The following FBN1 variants were observed in gnomAD, a reference collection of about 807,000 sequenced individuals.
The protein encoded by FBN1 is fibrillin 1, also known as fibrillin-1.
Under a neutral mutation model 365.1 loss-of-function variants are expected in FBN1, and 29 were observed. The observed-to-expected ratio is 0.08, with a 90% CI of 0.06 to 0.11. FBN1 has a LOEUF of 0.11. FBN1 is among the 10% of genes least tolerant of loss of function. FBN1 has a pLI of 1.00. For synonymous variants in FBN1, 1,210 were observed against 1,270.5 expected (o/e 0.95, Z 1.01); for missense variants, 2,476 against 3,703.2 (o/e 0.67, Z 8.60).
chr15:48,451,936 C>G lies in FBN1; in HGVS notation c.5545+626G>C, dbSNP rs544866808. On this transcript the variant is annotated intron_variant, in intron 45 of 65. Coordinates refer to ENST00000316623, the MANE Select transcript of FBN1 (RefSeq NM_000138.5). ...AACGTGCTTCCTATTTCTATCACAT[C>G]CCTGACAAAAGTGAACACCAAAAAA... Among the ~76,000 whole-genome samples the G allele has an allele frequency of 2.6e-5, 4 of 152,290 alleles. No homozygotes were observed. In the South Asian group the frequency reaches 8.3e-4, roughly 32 times the overall value.
Position 48,428,392 on chromosome 15 carries a change from C to T in FBN1, c.6951G>A (p.Glu2317=), listed in dbSNP as rs1555394627. Residue 2317 remains glutamate, a synonymous_variant, in exon 57 of 66, where the codon GAG becomes GAA. Coordinates refer to ENST00000316623, the MANE Select transcript of FBN1 (RefSeq NM_000138.5). ...GGCTGGCGGTAAACCCATCATTACA[C>T]TCACAGGTGTAGCTCCCACGGGTGT... ...CLNTRGSYTC[E]CNDGFTASPN... The T allele has an allele frequency of 1.9e-6, 3 of 1,614,052 alleles. No individual in the cohort carries two copies. The highest frequency in any genetic ancestry group is 1.1e-5 in the South Asian group (1 of 91,080).
chr15:48,598,903 C>A (rs1292924918), intron 5 of FBN1, among the ~76,000 whole-genome samples: 1 of 152,164 alleles, frequency 6.6e-6, no homozygotes, highest in Non-Finnish European at 1.5e-5. Context: ...GTCTCTTTCC[C>A]ATGCTGTTCC....
chr15:48,472,554 C>T lies in FBN1; in HGVS notation c.4333G>A (p.Glu1445Lys). The T allele has an allele frequency of 6.2e-7, 1 of 1,612,978 alleles. No individual in the cohort carries two copies. The highest frequency in any genetic ancestry group is 8.5e-7 in the Non-Finnish European group (1 of 1,179,330). ...FVPSADGKACEDIDECSLPNI... is the reference protein window; with the variant it reads ...FVPSADGKACKDIDECSLPNI... ...CAGTGGCTTCCCCATCAGTTACCTT[C>T]ACAGGCTTTCCCGTCAGCACTGGGC... is the stretch of plus-strand genomic sequence containing the variant. The change falls in exon 35 of 66, where the codon GAA (glutamate) becomes AAA (lysine). Residue 1445 changes from glutamate to lysine, a missense_variant. Glu to Lys is a moderately conservative substitution (Grantham distance 56). Around this residue, in one of 5 missense-constraint regions of FBN1, gnomAD observed 1,780 missense variants for 2,840.8 expected, o/e 0.63. Transcript: ENST00000316623.
At chr15:48,574,255 C>G (rs2044328103) in intron 6 of FBN1, among the ~76,000 whole-genome samples, 1 of 152,150 alleles carries the variant, frequency 6.6e-6, no homozygotes. Flanking sequence ...CCTGGAAGTA[C>G]AAACAATGTT....
At chr15:48,604,482 C>T (rs1391361566) in intron 4 of FBN1, among the ~76,000 whole-genome samples, 1 of 152,140 alleles carries the variant, frequency 6.6e-6, no homozygotes, top group African/African-American at 2.4e-5. Flanking sequence ...CTTAAGTGAA[C>T]AGATGTCTGG....
intron 2 of FBN1, among the ~76,000 whole-genome samples, chr15:48,640,596 T>C (rs1468570030): frequency 1.3e-5 from 2 of 152,184 alleles, no homozygotes; most frequent in African/African-American, 4.8e-5. Flanking sequence ...AACTGTTCCA[T>C]GTGTATTTTT....
At position 48,420,742 on chromosome 15, in the gene FBN1, G is replaced by A. The variant is rs927103213; in HGVS notation, c.7764C>T (p.Tyr2588=). Residue 2588 remains tyrosine, a synonymous_variant, in exon 63 of 66, where the codon TAC becomes TAT. Transcript: ENST00000316623. ...QHGCQNIIGG[Y]RCSCPQGYLQ... Reference sequence around the variant, plus strand: ...GGTAGCCCTGGGGGCAGCTGCACCTGTAGCCCCCAATGATGTTCTGGCAGC... The same window carrying A: ...GGTAGCCCTGGGGGCAGCTGCACCTATAGCCCCCAATGATGTTCTGGCAGC... 3 of 1,614,012 alleles carry A rather than the reference G, an allele frequency of 1.9e-6. No homozygotes were observed. The African/African-American group carries it at 4.0e-5, about 22-fold the overall frequency.
chr15:48,643,847 G>C (rs1457127647), intron 2 of FBN1: 1 of 152,162 alleles, frequency 6.6e-6, no homozygotes, highest in Non-Finnish European at 1.5e-5. Flanking sequence ...ACAGGAAAAT[G>C]ACAACCCTTA....
intron 63 of FBN1, among the ~76,000 whole-genome samples, chr15:48,418,123 T>C (rs1412753974): frequency 6.6e-6 from 1 of 152,134 alleles, no homozygotes; most frequent in African/African-American, 2.4e-5. Context: ...ATTTTTTTTA[T>C]AGCAAAAAAA....
Position 48,510,259 on chromosome 15 carries a change from A to T in FBN1, c.1589-90T>A, listed in dbSNP as rs147023547. The T allele has an allele frequency of 6.1e-4, 823 of 1,352,214 alleles. 6 individuals carry two copies. The African/African-American group carries it at 0.011, about 18-fold the overall frequency. 83.8% of individuals were successfully genotyped at this position (1,352,214 alleles called of 1,614,324 possible). ...CCCTCCCTCCATTTGCAAACTCATG[A>T]TCTTGGCTTTTGGTTTTAATTACTT... On this transcript the variant is annotated intron_variant, in intron 13 of 65. Coordinates refer to ENST00000316623, the MANE Select transcript of FBN1 (RefSeq NM_000138.5).
intron 2 of FBN1, among the ~76,000 whole-genome samples, chr15:48,633,186 G>A (rs1008738537): frequency 3.9e-5 from 6 of 152,186 alleles, no homozygotes; most frequent in African/African-American, 9.7e-5. Context: ...CTATTCAAAC[G>A]CAGCTAATGC....
chr15:48,555,072 T>A lies in FBN1; in HGVS notation c.539-17264A>T, dbSNP rs75444374. Among the ~76,000 whole-genome samples the A allele has an allele frequency of 6.0e-3, 909 of 152,346 alleles. 6 individuals carry two copies. The highest frequency in any genetic ancestry group is 0.011 in the Non-Finnish European group (718 of 68,026). On this transcript the variant is annotated intron_variant, in intron 6 of 65. Coordinates refer to ENST00000316623, the MANE Select transcript of FBN1 (RefSeq NM_000138.5). ...AATGTAAGGGCATGTTAAGATGTTA[T>A]GCAGTATGTTCTATTTAAACATGGC...
chr15:48,513,505 T>G, intron 13 of FBN1, 44 bp downstream of exon 13: 1 of 1,613,748 alleles, frequency 6.2e-7, no homozygotes. Flanking sequence ...AACCCCCAGT[T>G]AGCATATATG....
At chr15:48,529,597 C>T (rs1471738847) in intron 8 of FBN1, 1 of 152,190 alleles carries the variant, frequency 6.6e-6, no homozygotes, top group Non-Finnish European at 1.5e-5. Context: ...GACAGTTAAC[C>T]TGATCCTGAC....
In FBN1 at chr15:48,644,859, G is replaced by T; in HGVS notation, c.-90C>A. On this transcript the variant is annotated 5_prime_UTR_variant, in exon 2 of 66. Transcript: ENST00000316623. Reference sequence around the variant, plus strand: ...GCTGCGCCCTGAAGCGCACCGCGCCGCCGGGGTCCCGCTATCCCGCCGCCC... The same window carrying T: ...GCTGCGCCCTGAAGCGCACCGCGCCTCCGGGGTCCCGCTATCCCGCCGCCC... 7.9e-7 allele frequency: 1 copy of T among 1,257,910 alleles called. No individual in the cohort carries two copies. Among genetic ancestry groups the T allele is most frequent in the Non-Finnish European group, 1.0e-6 (1 of 990,412 alleles). The allele number at this position is 1,257,910 out of a possible 1,614,324, so 77.9% of individuals were successfully genotyped here.
In FBN1 at chr15:48,415,577, G is replaced by A; in HGVS notation, c.8010C>T (p.Tyr2670=). ...AGTAACCAGGTGGACAGCCACACAGGTAACCGCCCTCGGTATTGGAACAGC... is the reference window on the plus strand; with the variant it reads ...AGTAACCAGGTGGACAGCCACACAGATAACCGCCCTCGGTATTGGAACAGC... The part of the protein sequence containing the change: ...SYGCSNTEGG[Y]LCGCPPGYFR... The change falls in exon 64 of 66, where the codon TAC becomes TAT. Residue 2670 remains tyrosine (Y), a synonymous_variant. Transcript: ENST00000316623. The A allele has an allele frequency of 3.1e-6, 5 of 1,614,198 alleles. No individual in the cohort carries two copies. Among genetic ancestry groups the A allele is most frequent in the South Asian group, 1.1e-5 (1 of 91,088 alleles).
chr15:48,601,799 G>C (rs1268845254), intron 4 of FBN1, among the ~76,000 whole-genome samples: 1 of 152,134 alleles, frequency 6.6e-6, no homozygotes, highest in East Asian at 1.9e-4. Context: ...AAAGAAGTTA[G>C]GTTGAGTTGA....
intron 8 of FBN1, chr15:48,528,846 AC>A (rs2043941003): frequency 6.6e-6 from 1 of 151,626 alleles, no homozygotes; most frequent in African/African-American, 2.4e-5. Flanking sequence ...TTCCTAAACC[AC>A]CTTGTTTCTC....
intron 17 of FBN1, among the ~76,000 whole-genome samples, chr15:48,503,296 C>CAAAAAA (rs754101177): frequency 4.0e-5 from 3 of 74,594 alleles, no homozygotes; most frequent in Admixed American, 1.5e-4. Flanking sequence ...GACTCCATCT[C>CAAAAAA]AAAAAAAAAA....
Sources: allele counts gnomAD v4.1 joint callset (sites outside exome capture counted in the v4.1 genomes callset), GRCh38; gene constraint gnomAD v4.1.1; regional missense constraint gnomAD v4.1.1; transcripts MANE v1.5; gene names NCBI Gene and HGNC (gene_info 2026-07-23, HGNC 2026-07-21).